CYP2C19: variants seen among roughly 807,000 people sequenced by gnomAD.
CYP2C19 encodes cytochrome P450 family 2 subfamily C member 19.
Under a neutral mutation model 40.9 loss-of-function variants are expected in CYP2C19, and 59 were observed. The ratio of observed to expected loss-of-function variants is 1.44; its 90% CI spans 1.17 to 1.79. The LOEUF (loss-of-function observed/expected upper bound fraction) is 1.79. CYP2C19 is among the 40% of genes most tolerant of loss of function. The probability of loss-of-function intolerance (pLI) is 0.00; values close to 1 mark genes in which losing one functional copy is unlikely to be tolerated. For missense variants in CYP2C19, 754 were observed against 596.9 expected (o/e 1.26, Z -2.74); for synonymous variants, 253 against 208.7 (o/e 1.21, Z -1.83).
intron 1 of CYP2C19, among the ~76,000 whole-genome samples, chr10:94,772,054 T>C (rs563862662): frequency 1.3e-5 from 2 of 152,134 alleles, no homozygotes; most frequent in African/African-American, 2.4e-5. Flanking sequence ...CCTGTTAGTA[T>C]TGGGACTTTA....
intron 6 of CYP2C19, among the ~76,000 whole-genome samples, chr10:94,837,129 C>T (rs1849416894): frequency 6.6e-6 from 1 of 152,186 alleles, no homozygotes; most frequent in Non-Finnish European, 1.5e-5. Context: ...GGGCTGGGTA[C>T]AGCTGGGTAT....
At chr10:94,778,185 GT>G (rs1848435482) in intron 3 of CYP2C19, among the ~76,000 whole-genome samples, 1 of 152,176 alleles carries the variant, frequency 6.6e-6, no homozygotes, top group African/African-American at 2.4e-5. Context: ...AATATTTATT[GT>G]TCCCCTTTCA....
At chr10:94,787,365 T>C (rs1433982083) in intron 5 of CYP2C19, among the ~76,000 whole-genome samples, 1 of 152,134 alleles carries the variant, frequency 6.6e-6, no homozygotes, top group African/African-American at 2.4e-5. Context: ...TGTTGAATTG[T>C]CTAAGTACCT....
rs1849709717 is a variant in CYP2C19, at chr10:94,854,926, C to T, written c.*2012C>T. On this transcript the variant is annotated 3_prime_UTR_variant, in exon 9 of 9. Transcript: ENST00000371321. ...CACATTATACATTTTAAACATTCTT[C>T]ATTGGGAAATGAAAATGTATTAATG... Among the ~76,000 whole-genome samples the T allele has an allele frequency of 6.6e-6, 1 of 152,138 alleles. No individual in the cohort carries two copies. The highest frequency in any genetic ancestry group is 1.9e-4 in the East Asian group (1 of 5,182).
intron 6 of CYP2C19, among the ~76,000 whole-genome samples, chr10:94,834,556 CTTT>C (rs75883570): frequency 7.1e-6 from 1 of 141,386 alleles, no homozygotes. Flanking sequence ...TTTCTTTTTT[CTTT>C]TTTTTTTTTG....
chr10:94,826,173 A>G (rs1345622780), intron 6 of CYP2C19, among the ~76,000 whole-genome samples: 1 of 151,960 alleles, frequency 6.6e-6, no homozygotes. Context: ...ACTTTAAAGT[A>G]GTTTTTTCCA....
intron 3 of CYP2C19, chr10:94,776,438 C>G (rs1173545810): frequency 1.3e-5 from 2 of 152,110 alleles, no homozygotes; most frequent in African/African-American, 4.8e-5. Flanking sequence ...AGTTTATCAG[C>G]TTGGATACCA....
chr10:94,800,449 A>T (rs1420533625), intron 5 of CYP2C19, among the ~76,000 whole-genome samples: 1 of 152,150 alleles, frequency 6.6e-6, no homozygotes, highest in African/African-American at 2.4e-5. Context: ...CCCTACTGGG[A>T]GTTGTCTCCC....
chr10:94,775,204 A>T lies in CYP2C19; in HGVS notation c.315A>T (p.Arg105Ser). 1 of 1,614,026 alleles carries T rather than the reference A, an allele frequency of 6.2e-7. No individual in the cohort carries two copies. The highest frequency in any genetic ancestry group is 8.5e-7 in the Non-Finnish European group (1 of 1,180,004). The change falls in exon 2 of 9, where the codon AGA becomes AGT. Residue 105 changes from arginine (R) to serine (S), a missense_variant. Physicochemically the swap from Arg to Ser is moderately radical, Grantham distance 110 (BLOSUM62 -1). Coordinates refer to ENST00000371321, the MANE Select transcript of CYP2C19 (RefSeq NM_000769.4). The stretch of plus-strand genomic sequence containing the variant: ...GAGGCCATTTCCCACTGGCTGAAAG[A>T]GCTAACAGAGGATTTGGTAGGTGTG... ...SGRGHFPLAE[R>S]ANRGFGIVFS...
At chr10:94,793,522 A>G (rs533450360) in intron 5 of CYP2C19, among the ~76,000 whole-genome samples, 3 of 152,214 alleles carry the variant, frequency 2.0e-5, no homozygotes, top group South Asian at 4.1e-4. Flanking sequence ...TAATGGTGAC[A>G]TACAGATGGT....
chr10:94,818,459 G>C (rs1849050421), intron 5 of CYP2C19, among the ~76,000 whole-genome samples: 1 of 151,644 alleles, frequency 6.6e-6, no homozygotes, highest in Non-Finnish European at 1.5e-5. Flanking sequence ...AGATGGCATT[G>C]AATCTGTAAA....
intron 5 of CYP2C19, among the ~76,000 whole-genome samples, chr10:94,812,520 G>A (rs1320271181): frequency 4.6e-5 from 7 of 152,126 alleles, no homozygotes; most frequent in East Asian, 1.9e-4. Flanking sequence ...CCAATCAAAC[G>A]TAGATTTGGT....
At chr10:94,810,264 GTGC>G (rs1848900965) in intron 5 of CYP2C19, among the ~76,000 whole-genome samples, 1 of 152,196 alleles carries the variant, frequency 6.6e-6, no homozygotes, top group South Asian at 2.1e-4. Context: ...GCTTTTTGAA[GTGC>G]TGCTGGATTC....
chr10:94,765,088 G>A (rs1448592475), intron 1 of CYP2C19, among the ~76,000 whole-genome samples: 3 of 152,136 alleles, frequency 2.0e-5, no homozygotes, highest in African/African-American at 7.2e-5. Context: ...ATTTGGGATT[G>A]TAGAGTAAGG....
chr10:94,775,781 C>T (rs1848399963), intron 3 of CYP2C19: 2 of 582,922 alleles, frequency 3.4e-6, no homozygotes, highest in Non-Finnish European at 5.9e-6. Context: ...TTCTCCTGAA[C>T]TTTGCTTCTT....
intron 8 of CYP2C19, 121 bp from the exon 9 acceptor site, chr10:94,852,612 C>A: frequency 2.9e-6 from 3 of 1,040,364 alleles, no homozygotes; most frequent in South Asian, 3.0e-5. Context: ...ATCTACTCAT[C>A]CCTCCTATGA....
At chr10:94,842,756 A>T (rs1202413184) in intron 6 of CYP2C19, 81 bp from the exon 7 acceptor site, 1 of 1,438,816 alleles carries the variant, frequency 7.0e-7, no homozygotes, top group African/African-American at 1.4e-5. Flanking sequence ...TACCTTCATC[A>T]TGATTCATGT....
intron 1 of CYP2C19, among the ~76,000 whole-genome samples, chr10:94,769,543 G>A (rs1403525343): frequency 1.3e-5 from 2 of 152,168 alleles, no homozygotes; most frequent in Non-Finnish European, 2.9e-5. Context: ...GGATATAGAG[G>A]AATTACTGCC....
At chr10:94,778,756 T>A (rs529582292) in intron 3 of CYP2C19, among the ~76,000 whole-genome samples, 1 of 152,304 alleles carries the variant, frequency 6.6e-6, no homozygotes, top group Admixed American at 6.5e-5. Context: ...AGCAATCCCA[T>A]TACTGGGTAT....
Sources: gnomAD v4.1 joint callset for allele counts (sites outside exome capture counted in the v4.1 genomes callset) on GRCh38, gnomAD v4.1.1 for gene constraint, MANE v1.5 for transcripts, NCBI Gene and HGNC (gene_info 2026-07-23, HGNC 2026-07-21) for gene names.